The following PPP2CB variants were observed in gnomAD, a reference collection of about 807,000 sequenced individuals.
PPP2CB encodes serine/threonine-protein phosphatase 2A catalytic subunit beta isoform.
A neutral mutation model predicts 39.1 loss-of-function variants in PPP2CB; 18 were observed. The ratio of observed to expected loss-of-function variants is 0.46; its 90% CI spans 0.32 to 0.68. The LOEUF is 0.68. Among genes scored for constraint, PPP2CB ranks in the 30% least tolerant of loss-of-function variants. The pLI is 0.04. For synonymous variants in PPP2CB, 129 were observed against 133.8 expected, an observed-to-expected ratio of 0.96 and a Z score of 0.25; for missense variants, 226 against 396.9, an observed-to-expected ratio of 0.57 and a Z score of 3.66.
rs759127793 is a variant in PPP2CB, at chr8:30,812,367, C to T, written c.55G>A (p.Glu19Lys). Residue 19 changes from glutamate (E) to lysine (K), a missense_variant, in exon 1 of 7, where the codon GAG (glutamate) becomes AAG (lysine). Physicochemically the swap from Glu to Lys is moderately conservative, Grantham distance 56 (BLOSUM62 1). Around this residue, in one of 4 missense-constraint regions of PPP2CB, gnomAD observed 59 missense variants for 42.6 expected, o/e 1.38. Transcript: ENST00000221138. ...ELDQWVEQLN[E>K]CKQLNENQVR... ...TGGTTCTCGTTCAGCTGCTTACACTCGTTCAGCTGCTCGACCCACTGGTCC... is the reference window on the plus strand; with the variant it reads ...TGGTTCTCGTTCAGCTGCTTACACTTGTTCAGCTGCTCGACCCACTGGTCC... 1 of 1,564,640 alleles carries T rather than the reference C, an allele frequency of 6.4e-7. No individual in the cohort carries two copies. Among genetic ancestry groups the T allele is most frequent in the Non-Finnish European group, 8.7e-7 (1 of 1,152,634 alleles).
intron 6 of PPP2CB, among the ~76,000 whole-genome samples, chr8:30,789,803 A>G (rs1471893097): frequency 1.3e-5 from 2 of 152,188 alleles, no homozygotes; most frequent in African/African-American, 4.8e-5. Flanking sequence ...CAAATTACCG[A>G]ACTGTATAGC....
chr8:30,806,204 C>T (rs569245385), intron 1 of PPP2CB, among the ~76,000 whole-genome samples: 35 of 151,654 alleles, frequency 2.3e-4, no homozygotes, highest in African/African-American at 7.5e-4. Context: ...CCTGCCACCA[C>T]GCCTGGCTGA....
intron 1 of PPP2CB, 29 bp from the exon 2 acceptor site, chr8:30,799,784 A>C: frequency 6.3e-7 from 1 of 1,593,502 alleles, no homozygotes; most frequent in Non-Finnish European, 8.6e-7. Flanking sequence ...CAACAATTAC[A>C]AAGTTAAAAC....
chr8:30,794,226 C>T lies in PPP2CB; in HGVS notation c.542G>A (p.Arg181Lys). Reference sequence around the variant, plus strand: ...AACTTCCTGTAAACGATCCAGGGCTCTTATATGATCCAGTGTGTCTATGGA... The same window carrying T: ...AACTTCCTGTAAACGATCCAGGGCTTTTATATGATCCAGTGTGTCTATGGA... ...SPSIDTLDHI[R>K]ALDRLQEVPH... The change falls in exon 4 of 7, where the codon AGA becomes AAA. Residue 181 changes from arginine (R) to lysine (K), a missense_variant. This residue lies in a region of PPP2CB where 110 missense variants were observed against 244.1 expected (regional missense o/e 0.45). Coordinates refer to ENST00000221138, the MANE Select transcript of PPP2CB (RefSeq NM_001009552.2). The T allele has an allele frequency of 1.2e-6, 2 of 1,613,972 alleles. No individual in the cohort carries two copies. Among genetic ancestry groups the T allele is most frequent in the South Asian group, 2.2e-5 (2 of 91,072 alleles).
chr8:30,810,644 AT>A lies in PPP2CB; in HGVS notation c.102+1675del, dbSNP rs148037151. Among the ~76,000 whole-genome samples, 1,332 of 152,340 alleles carry A rather than the reference AT, an allele frequency of 8.7e-3. 15 individuals are homozygous for A. Among genetic ancestry groups the A allele is most frequent in the African/African-American group, 0.03 (1,255 of 41,564 alleles). ...AGGCATAAATTTTAAGACTCATGAA[AT>A]TACAGGTTATCACAATAAAAATGAA... On this transcript the variant is annotated intron_variant, in intron 1 of 6. Transcript: ENST00000221138.
intron 1 of PPP2CB, among the ~76,000 whole-genome samples, chr8:30,801,643 C>T (rs1339927604): frequency 6.6e-6 from 1 of 152,014 alleles, no homozygotes. Context: ...TTCTCTGCCT[C>T]TTCAGTGATT....
chr8:30,811,881 A>T (rs940367656), intron 1 of PPP2CB, among the ~76,000 whole-genome samples: 11 of 152,126 alleles, frequency 7.2e-5, no homozygotes, highest in African/African-American at 2.7e-4. Flanking sequence ...TACGCACGAC[A>T]TTCTGGTTAA....
At position 30,799,712 on chromosome 8, in the gene PPP2CB, C is replaced by G. The variant is rs139426941; in HGVS notation, c.146G>C (p.Arg49Pro). The change falls in exon 2 of 7, where the codon CGT (arginine) becomes CCT (proline). Residue 49 changes from arginine to proline, a missense_variant. Physicochemically the swap from Arg to Pro is moderately radical, Grantham distance 103 (BLOSUM62 -2). Coordinates refer to ENST00000221138, the MANE Select transcript of PPP2CB (RefSeq NM_001009552.2). ...LTKESNVQEV[R>P]CPVTVCGDVH... ...ATCTCCACAGACAGTAACAGGGCAA[C>G]GAACCTCTTGCACATTTGATTCTTT... The G allele has an allele frequency of 1.2e-5, 19 of 1,614,036 alleles. No homozygotes were observed. In the Admixed American group the frequency reaches 3.0e-4, roughly 25 times the overall value.
At chr8:30,787,886 A>T (rs910815357) in intron 6 of PPP2CB, among the ~76,000 whole-genome samples, 2 of 152,200 alleles carry the variant, frequency 1.3e-5, no homozygotes, top group Non-Finnish European at 2.9e-5. Context: ...CACATTTGAA[A>T]GGTCATTCAG....
chr8:30,788,798 C>T (rs146702840), intron 6 of PPP2CB, among the ~76,000 whole-genome samples: 8 of 152,162 alleles, frequency 5.3e-5, no homozygotes, highest in Non-Finnish European at 1.2e-4. Flanking sequence ...CCAAGAGAAA[C>T]AGTTTCTGTT....
chr8:30,812,708 A>G lies in PPP2CB; in HGVS notation c.-287T>C. On this transcript the variant is annotated 5_prime_UTR_variant, in exon 1 of 7. Coordinates refer to ENST00000221138, the MANE Select transcript of PPP2CB (RefSeq NM_001009552.2). ...TGAAGGACGCGGTGAGGTGCCGGGG[A>G]GCGCGGCGCGGGTCCTCGGCCTAGC... 2.3e-6 allele frequency: 1 copy of G among 442,898 alleles called. No homozygotes were observed. The highest frequency in any genetic ancestry group is 4.3e-6 in the Non-Finnish European group (1 of 230,200). 27.4% of individuals were successfully genotyped at this position (442,898 alleles called of 1,614,324 possible).
chr8:30,796,082 A>G (rs2128761148), intron 3 of PPP2CB, among the ~76,000 whole-genome samples: 1 of 152,320 alleles, frequency 6.6e-6, no homozygotes, highest in Non-Finnish European at 1.5e-5. Context: ...CTGTCCAGCA[A>G]TTTTATTATT....
chr8:30,786,383 T>G lies in PPP2CB; in HGVS notation c.858-76A>C, dbSNP rs576167294. The G allele has an allele frequency of 1.1e-5, 14 of 1,247,744 alleles. No homozygotes were observed. In the South Asian group the frequency reaches 1.8e-4, roughly 16 times the overall value. The allele number at this position is 1,247,744 out of a possible 1,614,324, so 77.3% of individuals were successfully genotyped here. ...AACAAATGAATAAAGAACAAGACAC[T>G]GTAGTAGAAACAGCAGTCCTGCTTT... On this transcript the variant is annotated intron_variant, in intron 6 of 6. Transcript: ENST00000221138.
intron 1 of PPP2CB, among the ~76,000 whole-genome samples, chr8:30,808,742 T>C (rs1440916042): frequency 6.6e-6 from 1 of 152,166 alleles, no homozygotes; most frequent in Non-Finnish European, 1.5e-5. Context: ...CAGGGTTCTA[T>C]AGCCACTATA....
chr8:30,798,890 G>A (rs1806570047), intron 2 of PPP2CB, among the ~76,000 whole-genome samples: 1 of 152,128 alleles, frequency 6.6e-6, no homozygotes, highest in Non-Finnish European at 1.5e-5. Context: ...AAGAAATCAG[G>A]GACAGGATAA....
At chr8:30,796,810 C>G (rs1331144814) in intron 3 of PPP2CB, among the ~76,000 whole-genome samples, 2 of 152,154 alleles carry the variant, frequency 1.3e-5, no homozygotes, top group African/African-American at 4.8e-5. Flanking sequence ...GTCTGCACTA[C>G]TTGTTACAGC....
chr8:30,790,018 T>C (rs2128760313), intron 6 of PPP2CB, among the ~76,000 whole-genome samples: 1 of 152,294 alleles, frequency 6.6e-6, no homozygotes, highest in Admixed American at 6.5e-5. Flanking sequence ...TGTGTGTGTT[T>C]CTTTTCCTCT....
intron 1 of PPP2CB, among the ~76,000 whole-genome samples, chr8:30,809,739 G>A (rs1052604692): frequency 2.0e-4 from 31 of 152,148 alleles, no homozygotes; most frequent in African/African-American, 7.5e-4. Flanking sequence ...CCGAGAGTTC[G>A]AGACCAGCCT....
chr8:30,794,144 T>G, intron 4 of PPP2CB, 48 bp downstream of exon 4: 2 of 1,606,764 alleles, frequency 1.2e-6, no homozygotes, highest in Non-Finnish European at 1.7e-6. Context: ...CCTCAAAATG[T>G]GGTTATATTT....
Sources: allele counts gnomAD v4.1 joint callset (sites outside exome capture counted in the v4.1 genomes callset), GRCh38; gene constraint gnomAD v4.1.1; regional missense constraint gnomAD v4.1.1; transcripts MANE v1.5; gene names NCBI Gene and HGNC (gene_info 2026-07-23, HGNC 2026-07-21).